The following AIMP2 variants were observed in gnomAD, a reference collection of about 807,000 sequenced individuals.
The protein encoded by AIMP2 is aminoacyl tRNA synthase complex-interacting multifunctional protein 2.
AIMP2 carries 20 observed loss-of-function variants against 23.4 expected under a neutral mutation model. The ratio of observed to expected loss-of-function variants is 0.85; its 90% CI spans 0.60 to 1.24. The LOEUF (loss-of-function observed/expected upper bound fraction) is 1.24. Among genes scored for constraint, AIMP2 ranks in the 50% most tolerant of loss-of-function variants. The probability of loss-of-function intolerance (pLI) is 0.00; values close to 1 mark genes in which losing one functional copy is unlikely to be tolerated. For missense variants in AIMP2, 515 were observed against 414.5 expected (o/e 1.24, Z -2.10); for synonymous variants, 210 against 170.4 (o/e 1.23, Z -1.81).
At position 6,017,835 on chromosome 7, in the gene AIMP2, A is replaced by C. The variant is rs763030358; in HGVS notation, c.364A>C (p.Ile122Leu). 1 of 1,613,990 alleles carries C rather than the reference A, an allele frequency of 6.2e-7. No individual in the cohort carries two copies. Among genetic ancestry groups the C allele is most frequent in the Admixed American group, 1.7e-5 (1 of 59,990 alleles). Residue 122 changes from isoleucine (I) to leucine (L), a missense_variant, in exon 3 of 4, where the codon ATC becomes CTC. Ile to Leu is a conservative substitution (Grantham distance 5, BLOSUM62 2). Coordinates refer to ENST00000223029, the MANE Select transcript of AIMP2 (RefSeq NM_006303.4). ...CCAGGATTACGGGGCGCTGAAAGAC[A>C]TCGTGATCAACGCAAACCCGGCCTC... ...LGKDYGALKD[I>L]VINANPASPP...
rs1283740223 is a variant in AIMP2 at position 6,023,653 on chromosome 7, C to G, written c.925C>G (p.Leu309Val). The change falls in exon 4 of 4, where the codon CTG (leucine) becomes GTG (valine). Residue 309 changes from leucine (L) to valine (V), a missense_variant. Transcript: ENST00000223029. ...GAGGTGGATGAGGTCTTGTGAAAACCTGGCTCCTTTTAACACGGCCCTCAA... is the reference window on the plus strand; with the variant it reads ...GAGGTGGATGAGGTCTTGTGAAAACGTGGCTCCTTTTAACACGGCCCTCAA... ...VQRWMRSCEN[L>V]APFNTALKLL... 1 of 1,614,088 alleles carries G rather than the reference C, an allele frequency of 6.2e-7. No individual in the cohort carries two copies. Among genetic ancestry groups the G allele is most frequent in the Admixed American group, 1.7e-5 (1 of 59,988 alleles).
At position 6,009,989 on chromosome 7, in the gene AIMP2, A is replaced by ATATATATATATATATG. The variant is rs1259647902; in HGVS notation, c.135+494_135+495insATATATATATATGTAT. 1.3e-3 allele frequency among the ~76,000 whole-genome samples: 138 copies of ATATATATATATATATG among 108,340 alleles called. 1 individual carries two copies. The highest frequency in any genetic ancestry group is 7.8e-3 in the Middle Eastern group (1 of 128). 71.1% of individuals were successfully genotyped at this position (108,340 alleles called of 152,430 possible). A position where few individuals can be genotyped will look rare whatever the true frequency, so the allele number is the denominator to read the frequency against. ...AAAAAAAAAAAATATATATATATAT[A>ATATATATATATATATG]TATGTATGTATCTTTCCAGGTCGGG... On this transcript the variant is annotated intron_variant, in intron 1 of 3. Coordinates refer to ENST00000223029, the MANE Select transcript of AIMP2 (RefSeq NM_006303.4).
chr7:6,012,566 TTTTG>T (rs1371089035), intron 1 of AIMP2: 2 of 194,734 alleles, frequency 1.0e-5, no homozygotes, highest in East Asian at 2.8e-4. Flanking sequence ...CCGAGGTTTT[TTTTG>T]TTTTTGAGAC....
intron 1 of AIMP2, among the ~76,000 whole-genome samples, chr7:6,013,715 AG>A (rs1786843876): frequency 6.6e-6 from 1 of 152,092 alleles, no homozygotes; most frequent in Non-Finnish European, 1.5e-5. Context: ...TTGGGACCTG[AG>A]GTGGGAGGAT....
At chr7:6,020,374 TCACAC>T (rs1281331234) in intron 3 of AIMP2, among the ~76,000 whole-genome samples, 1 of 150,358 alleles carries the variant, frequency 6.7e-6, no homozygotes, top group Non-Finnish European at 1.5e-5. Flanking sequence ...TGAGCCGAGA[TCACAC>T]CACTATACTC....
At chr7:6,010,859 G>C in intron 1 of AIMP2, among the ~76,000 whole-genome samples, 1 of 150,864 alleles carries the variant, frequency 6.6e-6, no homozygotes, top group East Asian at 2.0e-4. Flanking sequence ...CTACATAAAA[G>C]GTGGTTATGG....
At chr7:6,011,140 C>T (rs1786663969) in intron 1 of AIMP2, among the ~76,000 whole-genome samples, 2 of 152,126 alleles carry the variant, frequency 1.3e-5, no homozygotes, top group Admixed American at 6.6e-5. Context: ...ATGAACAGTC[C>T]TGCAGTGAAT....
chr7:6,013,050 T>C (rs1055472661), intron 1 of AIMP2: 31 of 833,158 alleles, frequency 3.7e-5, no homozygotes, highest in Admixed American at 6.2e-5. Context: ...GAACAGCACA[T>C]GTGAAGATCT....
chr7:6,014,343 C>T (rs1441257596), intron 1 of AIMP2, among the ~76,000 whole-genome samples: 13 of 150,698 alleles, frequency 8.6e-5, no homozygotes, highest in Non-Finnish European at 7.4e-5. Context: ...CTGCAACCCC[C>T]GCCTCCCGGG....
intron 1 of AIMP2, among the ~76,000 whole-genome samples, chr7:6,014,439 G>A (rs1411658917): frequency 2.6e-5 from 4 of 151,516 alleles, no homozygotes; most frequent in African/African-American, 9.7e-5. Context: ...TGTATTTTTA[G>A]TAGAAACAGG....
At chr7:6,015,938 G>A (rs1269348303) in intron 2 of AIMP2, among the ~76,000 whole-genome samples, 1 of 152,170 alleles carries the variant, frequency 6.6e-6, no homozygotes, top group Non-Finnish European at 1.5e-5. Context: ...GAGAGTTACA[G>A]CCTCTGCCAG....
intron 1 of AIMP2, chr7:6,012,684 C>G (rs536530205): frequency 1.5e-4 from 61 of 404,486 alleles, no homozygotes; most frequent in Non-Finnish European, 2.7e-4. Flanking sequence ...CTTAGCCTCT[C>G]CAGTAGCTGG....
Position 6,019,774 on chromosome 7 carries a change from A to T in AIMP2, c.574+1729A>T, listed in dbSNP as rs963485301. 4.6e-5 allele frequency among the ~76,000 whole-genome samples: 7 copies of T among 152,146 alleles called. No individual in the cohort carries two copies. The East Asian group carries it at 1.4e-3, about 29-fold the overall frequency. On this transcript the variant is annotated intron_variant, in intron 3 of 3. Coordinates refer to ENST00000223029, the MANE Select transcript of AIMP2 (RefSeq NM_006303.4). ...CACAGTGGCTCACGCCTGTAATCCC[A>T]GAACTTTGGGAGAACGAGGAGGGCA...
intron 1 of AIMP2, among the ~76,000 whole-genome samples, chr7:6,009,712 A>T (rs1479493815): frequency 6.6e-6 from 1 of 151,712 alleles, no homozygotes; most frequent in Admixed American, 6.6e-5. Flanking sequence ...GCACTTTGGG[A>T]GGCCGAGGCG....
At chr7:6,018,769 G>C (rs1787194883) in intron 3 of AIMP2, among the ~76,000 whole-genome samples, 1 of 151,922 alleles carries the variant, frequency 6.6e-6, no homozygotes, top group African/African-American at 2.4e-5. Flanking sequence ...AGGAGGTGGA[G>C]GTTGCAGTGA....
chr7:6,010,222 C>G (rs1157679741), intron 1 of AIMP2, among the ~76,000 whole-genome samples: 5 of 151,188 alleles, frequency 3.3e-5, no homozygotes, highest in Non-Finnish European at 5.9e-5. Flanking sequence ...AGATTCTACC[C>G]TCTGAAAAGT....
intron 2 of AIMP2, 32 bp from the exon 3 acceptor site, chr7:6,017,782 G>A (rs1024308605): frequency 5.7e-6 from 9 of 1,589,498 alleles, no homozygotes; most frequent in Non-Finnish European, 7.7e-6. Context: ...TCCGATGACT[G>A]TTATTCGTAC....
intron 2 of AIMP2, among the ~76,000 whole-genome samples, chr7:6,015,799 A>G (rs1297455286): frequency 2.6e-5 from 4 of 152,248 alleles, no homozygotes; most frequent in African/African-American, 9.6e-5. Flanking sequence ...TCTTCTCTAA[A>G]TGAGTGTGCC....
At chr7:6,015,952 G>A (rs1038171584) in intron 2 of AIMP2, among the ~76,000 whole-genome samples, 2 of 152,142 alleles carry the variant, frequency 1.3e-5, no homozygotes, top group African/African-American at 2.4e-5. Context: ...CTGCCAGTCC[G>A]GGCATGGGTC....
Sources: gnomAD v4.1 joint callset for allele counts (sites outside exome capture counted in the v4.1 genomes callset) on GRCh38, gnomAD v4.1.1 for gene constraint, MANE v1.5 for transcripts, NCBI Gene and HGNC (gene_info 2026-07-23, HGNC 2026-07-21) for gene names.